The following ZMYM2 variants were observed in gnomAD, a reference collection of about 807,000 sequenced individuals.
ZMYM2 encodes zinc finger MYM-type protein 2.
In ZMYM2, 56 loss-of-function variants were observed where a neutral mutation model predicts 162.8. The observed-to-expected ratio is 0.34, with a 90% CI of 0.28 to 0.43. The LOEUF (loss-of-function observed/expected upper bound fraction) is 0.43, where lower values mean the gene tolerates loss of function less well. ZMYM2 is among the 20% of genes least tolerant of loss of function. The pLI is 1.00. For missense variants in ZMYM2, 1,275 were observed against 1,621.8 expected, an observed-to-expected ratio of 0.79 and a Z score of 3.67; for synonymous variants, 510 against 541.6, an observed-to-expected ratio of 0.94 and a Z score of 0.81.
At chr13:20,037,071 G>T (rs1260514673) in intron 12 of ZMYM2, among the ~76,000 whole-genome samples, 162 bp downstream of exon 12, 1 of 151,960 alleles carries the variant, frequency 6.6e-6, no homozygotes, top group Non-Finnish European at 1.5e-5. Flanking sequence ...ATTTCTGCTT[G>T]TTTGAAGTAG....
rs1417914714 is a variant in ZMYM2, at chr13:20,058,685, G to C, written c.2604G>C (p.Gln868His). Residue 868 changes from glutamine (Q) to histidine (H), a missense_variant, in exon 15 of 25, where the codon CAG becomes CAC. Coordinates refer to ENST00000610343, the MANE Select transcript of ZMYM2 (RefSeq NM_197968.4). ...CTACTTACTGTAAACCTCACATGCA[G>C]ACCAAATCTTGTCAGACAGGTAACT... is the stretch of plus-strand genomic sequence containing the variant. ...TKATYCKPHM[Q>H]TKSCQTDDTW... 2 of 1,613,574 alleles carry C rather than the reference G, an allele frequency of 1.2e-6. No homozygotes were observed. The highest frequency in any genetic ancestry group is 1.7e-6 in the Non-Finnish European group (2 of 1,179,716).
At chr13:19,885,363 G>T in the ZMYM2 span, among the ~76,000 whole-genome samples, 4 of 152,184 alleles carry the variant, frequency 2.6e-5, no homozygotes, top group South Asian at 8.3e-4. Context: ...GCTAGGATAA[G>T]AGGATCCATG....
Position 20,067,316 on chromosome 13 carries a change from A to G in ZMYM2, c.3379A>G (p.Asn1127Asp). 6.2e-7 allele frequency: 1 copy of G among 1,607,502 alleles called. No homozygotes were observed. The highest frequency in any genetic ancestry group is 8.5e-7 in the Non-Finnish European group (1 of 1,176,822). Residue 1127 changes from asparagine (N) to aspartate (D), a missense_variant, in exon 21 of 25, where the codon AAT becomes GAT. Physicochemically the swap from Asn to Asp is conservative, Grantham distance 23 (BLOSUM62 1). Coordinates refer to ENST00000610343, the MANE Select transcript of ZMYM2 (RefSeq NM_197968.4). ...TAACTATGGGTTAGCTCATTTTGTC[A>G]ATGAGATCCGACGGCCAAATGGAGA... ...ELNYGLAHFV[N>D]EIRRPNGENY...
At chr13:19,937,590 T>A in the ZMYM2 span, among the ~76,000 whole-genome samples, 1 of 150,360 alleles carries the variant, frequency 6.7e-6, no homozygotes, top group African/African-American at 2.4e-5. Flanking sequence ...TCTGCTTTTT[T>A]TTTTTAGAAA....
chr13:19,967,471 A>C (rs1448961856), intron 2 of ZMYM2, among the ~76,000 whole-genome samples: 3 of 152,224 alleles, frequency 2.0e-5, no homozygotes, highest in African/African-American at 7.2e-5. Flanking sequence ...TGCCCTGCTC[A>C]TGAAGGGAGT....
intron 14 of ZMYM2, among the ~76,000 whole-genome samples, chr13:20,056,054 T>A (rs2140672228): frequency 6.6e-6 from 1 of 152,350 alleles, no homozygotes; most frequent in East Asian, 1.9e-4. Flanking sequence ...GGCTTATTTT[T>A]ACGAGGTCAT....
chr13:20,037,592 A>G (rs745356866), intron 12 of ZMYM2, among the ~76,000 whole-genome samples: 14 of 152,168 alleles, frequency 9.2e-5, no homozygotes, highest in Non-Finnish European at 2.1e-4. Context: ...GATATATTTT[A>G]AAAACATCTT....
rs1158594782 is a variant in ZMYM2 at position 20,079,316 on chromosome 13, C to CAAAAA, written c.3454-2677_3454-2673dup. On this transcript the variant is annotated intron_variant, in intron 21 of 24. Transcript: ENST00000610343. ...CTGGCAACAGAGTAAGACTCTGTCT[C>CAAAAA]AAAAAAAAAAAAAAAAAAAAAAAAA... Among the ~76,000 whole-genome samples the CAAAAA allele has an allele frequency of 5.0e-3, 116 of 23,156 alleles. 12 individuals carry two copies. Among genetic ancestry groups the CAAAAA allele is most frequent in the African/African-American group, 0.015 (69 of 4,532 alleles). 15.2% of individuals were successfully genotyped at this position (23,156 alleles called of 152,430 possible). A position where few individuals can be genotyped will look rare whatever the true frequency, so the allele number is the denominator to read the frequency against.
intron 2 of ZMYM2, among the ~76,000 whole-genome samples, chr13:19,969,465 G>C (rs1356571941): frequency 6.6e-6 from 1 of 152,208 alleles, no homozygotes; most frequent in Non-Finnish European, 1.5e-5. Flanking sequence ...TCGTAATATA[G>C]TATAAGGTCT....
Position 19,993,475 on chromosome 13 carries a change from T to G in ZMYM2, c.403T>G (p.Ser135Ala). Reference sequence around the variant, plus strand: ...AACAAATCAAGGGCAAGAGAAAAATTCCTCCAATTTTATTGAACGAAGACC... The same window carrying G: ...AACAAATCAAGGGCAAGAGAAAAATGCCTCCAATTTTATTGAACGAAGACC... ...METNQGQEKN[S>A]SNFIERRPPE... The change falls in exon 3 of 25, where the codon TCC (serine) becomes GCC (alanine). Residue 135 changes from serine (S) to alanine (A), a missense_variant. This residue lies in a region of ZMYM2 where 295 missense variants were observed against 286.7 expected (regional missense o/e 1.03). Coordinates refer to ENST00000610343, the MANE Select transcript of ZMYM2 (RefSeq NM_197968.4). 1 of 1,613,932 alleles carries G rather than the reference T, an allele frequency of 6.2e-7. No homozygotes were observed. Among genetic ancestry groups the G allele is most frequent in the Non-Finnish European group, 8.5e-7 (1 of 1,179,966 alleles).
the ZMYM2 span, among the ~76,000 whole-genome samples, chr13:19,888,171 G>A: frequency 1.3e-5 from 2 of 151,562 alleles, no homozygotes; most frequent in East Asian, 1.9e-4. Flanking sequence ...GCTCCATCGC[G>A]CCTGGCTAAA....
chr13:19,920,410 T>C, the ZMYM2 span, among the ~76,000 whole-genome samples: 27 of 151,998 alleles, frequency 1.8e-4, no homozygotes, highest in Non-Finnish European at 3.1e-4. Flanking sequence ...TGTGGAAAGA[T>C]TGGTGCTATT....
At chr13:19,873,709 G>A in the ZMYM2 span, among the ~76,000 whole-genome samples, 2 of 152,116 alleles carry the variant, frequency 1.3e-5, no homozygotes, top group Non-Finnish European at 2.9e-5. Flanking sequence ...GCCCAGCCCA[G>A]AGTCGATTTT....
chr13:20,045,338 G>A (rs1954670951), intron 12 of ZMYM2, among the ~76,000 whole-genome samples: 1 of 152,184 alleles, frequency 6.6e-6, no homozygotes, highest in South Asian at 2.1e-4. Context: ...GTTAAGAGCT[G>A]TGAAGTAATT....
At chr13:20,029,471 T>C (rs1005988144) in intron 9 of ZMYM2, among the ~76,000 whole-genome samples, 4 of 152,194 alleles carry the variant, frequency 2.6e-5, no homozygotes, top group South Asian at 2.1e-4. Context: ...TTAATGGGGC[T>C]CAAATTTTTT....
chr13:19,981,851 G>A (rs1195180331), intron 2 of ZMYM2, among the ~76,000 whole-genome samples: 1 of 5,558 alleles, frequency 1.8e-4, no homozygotes, highest in African/African-American at 2.4e-4. Context: ...TTGTCTGTTC[G>A]TGGTGCATGT....
At chr13:19,937,009 G>T in the ZMYM2 span, among the ~76,000 whole-genome samples, 1 of 151,622 alleles carries the variant, frequency 6.6e-6, no homozygotes, top group African/African-American at 2.4e-5. Context: ...TAATTTAAAT[G>T]ATTTTTCAAG....
chr13:19,895,076 C>A, the ZMYM2 span, among the ~76,000 whole-genome samples: 340 of 83,612 alleles, frequency 4.1e-3, no homozygotes, highest in African/African-American at 9.8e-3. Context: ...AACTCCATCT[C>A]AAAAAAAAAA....
chr13:19,909,922 G>A, the ZMYM2 span, among the ~76,000 whole-genome samples: 6 of 151,832 alleles, frequency 4.0e-5, no homozygotes, highest in African/African-American at 9.7e-5. Flanking sequence ...ACATAAAGTT[G>A]TACTAGGCCA....
Sources: allele counts gnomAD v4.1 joint callset (sites outside exome capture counted in the v4.1 genomes callset), GRCh38; gene constraint gnomAD v4.1.1; regional missense constraint gnomAD v4.1.1; transcripts MANE v1.5; gene names NCBI Gene and HGNC (gene_info 2026-07-23, HGNC 2026-07-21).